The following TOP1 variants were observed in gnomAD, a reference collection of about 807,000 sequenced individuals.
The protein encoded by TOP1 is DNA topoisomerase I.
A neutral mutation model predicts 111.1 loss-of-function variants in TOP1; 10 were observed. That is an observed-to-expected ratio of 0.09 (90% confidence interval 0.06 to 0.15). The LOEUF is 0.15. Ranked by LOEUF, TOP1 falls within the 10% of genes least tolerant of loss-of-function variation. The pLI, the probability that TOP1 is intolerant of heterozygous loss-of-function variation, is 1.00. For missense variants in TOP1, 474 were observed against 926.7 expected, an observed-to-expected ratio of 0.51 and a Z score of 6.34; for synonymous variants, 271 against 302.9, an observed-to-expected ratio of 0.89 and a Z score of 1.10.
rs1444828644 is a variant in TOP1 at position 41,029,214 on chromosome 20, C to G, written c.33+114C>G. On this transcript the variant is annotated intron_variant, in intron 1 of 20. Transcript: ENST00000361337. This position sits in a 1 kb window ranked among gnomAD's most constrained non-coding sequence, Gnocchi z 6.1. ...GGCAGCTTTGACAGGCCGGAGCCCC[C>G]GGTGAGGGGCCGCCTGCCGGAGTAG... The G allele has an allele frequency of 2.3e-6, 2 of 883,272 alleles. No individual in the cohort carries two copies. The highest frequency in any genetic ancestry group is 3.1e-6 in the Non-Finnish European group (2 of 636,972). 54.7% of individuals were successfully genotyped at this position (883,272 alleles called of 1,614,324 possible).
chr20:41,057,461 C>T (rs2033488707), intron 2 of TOP1, among the ~76,000 whole-genome samples: 1 of 151,870 alleles, frequency 6.6e-6, no homozygotes, highest in Non-Finnish European at 1.5e-5. Context: ...TTATCCTTTA[C>T]TTAATTTCCT....
At chr20:41,087,303 T>C (rs1254235498) in intron 8 of TOP1, among the ~76,000 whole-genome samples, 1 of 152,254 alleles carries the variant, frequency 6.6e-6, no homozygotes, top group Non-Finnish European at 1.5e-5. Context: ...GATGTCCTGA[T>C]TTTTAACTGT....
intron 13 of TOP1, among the ~76,000 whole-genome samples, chr20:41,103,710 C>T (rs1229546094): frequency 6.6e-6 from 1 of 152,140 alleles, no homozygotes; most frequent in Admixed American, 6.5e-5. Context: ...ATAGCTTCCT[C>T]TCCTGCCTCT....
intron 2 of TOP1, among the ~76,000 whole-genome samples, chr20:41,049,398 C>T (rs931387633): frequency 1.3e-5 from 2 of 152,128 alleles, no homozygotes; most frequent in Non-Finnish European, 2.9e-5. Context: ...TGGTATTTCC[C>T]CAAGTTTTGA....
At chr20:41,085,682 G>T (rs909228640) in intron 8 of TOP1, among the ~76,000 whole-genome samples, 1 of 152,004 alleles carries the variant, frequency 6.6e-6, no homozygotes, top group Non-Finnish European at 1.5e-5. Flanking sequence ...CCAGCTTTGA[G>T]GTAATCACTG....
At chr20:41,045,251 A>C (rs2033319283) in intron 2 of TOP1, among the ~76,000 whole-genome samples, 1 of 152,218 alleles carries the variant, frequency 6.6e-6, no homozygotes, top group African/African-American at 2.4e-5. Context: ...ATTGTGGTTT[A>C]GATTCTGCTT....
Position 41,118,336 on chromosome 20 carries a change from G to T in TOP1, c.1950+40G>T, listed in dbSNP as rs777492014. ...ATGAAGGGAACTGTGTCTGCTGTGG[G>T]CAGATTATCTGCGAATGAGAGGATT... On this transcript the variant is annotated intron_variant, in intron 18 of 20. Transcript: ENST00000361337. The surrounding 1 kb of genome is among the most constrained non-coding windows in gnomAD (Gnocchi z 4.6). 6 of 1,607,704 alleles carry T rather than the reference G, an allele frequency of 3.7e-6. No homozygotes were observed. The highest frequency in any genetic ancestry group is 5.1e-6 in the Non-Finnish European group (6 of 1,175,388).
Position 41,083,865 on chromosome 20 carries a change from G to C in TOP1, c.508-597G>C, listed in dbSNP as rs147894588. ...TTTGATGCCCGTTTATTGTGTCACT[G>C]TGATCAGCTCATTTACATTCAGAGT... On this transcript the variant is annotated intron_variant, in intron 7 of 20. Transcript: ENST00000361337. This position sits in a 1 kb window ranked among gnomAD's most constrained non-coding sequence, Gnocchi z 7.2. Among the ~76,000 whole-genome samples, 375 of 152,224 alleles carry C rather than the reference G, an allele frequency of 2.5e-3. 1 individual carries two copies. The highest frequency in any genetic ancestry group is 8.8e-3 in the African/African-American group (364 of 41,526).
intron 18 of TOP1, among the ~76,000 whole-genome samples, chr20:41,119,994 C>T (rs560144609): frequency 3.9e-4 from 60 of 152,344 alleles, no homozygotes; most frequent in Middle Eastern, 3.4e-3. Context: ...GCTCTGGAAC[C>T]GGGTTTGGGC....
chr20:41,033,820 T>G (rs2033151728), intron 2 of TOP1, among the ~76,000 whole-genome samples: 1 of 152,248 alleles, frequency 6.6e-6, no homozygotes, highest in South Asian at 2.1e-4. Flanking sequence ...CAAAGTCGTT[T>G]CCTCAGAAGT....
At chr20:41,088,697 G>A (rs543892406) in intron 8 of TOP1, among the ~76,000 whole-genome samples, 1 of 152,004 alleles carries the variant, frequency 6.6e-6, no homozygotes, top group Non-Finnish European at 1.5e-5. Context: ...TAGACTGTAG[G>A]ATTGGGTGGT....
rs1268281704 is a variant in TOP1, at chr20:41,071,374, C to T, written c.156-4797C>T. On this transcript the variant is annotated intron_variant, in intron 3 of 20. Coordinates refer to ENST00000361337, the MANE Select transcript of TOP1 (RefSeq NM_003286.4). This position sits in a 1 kb window ranked among gnomAD's most constrained non-coding sequence, Gnocchi z 4.3. ...AATTTTTTTTTTTTTGAGATGGAGC[C>T]TCAGTCTATCGCCAGGCTGGAGTGC... is the stretch of plus-strand genomic sequence containing the variant. Among the ~76,000 whole-genome samples, 1 of 151,572 alleles carries T rather than the reference C, an allele frequency of 6.6e-6. No homozygotes were observed. The highest frequency in any genetic ancestry group is 2.4e-5 in the African/African-American group (1 of 41,222).
intron 2 of TOP1, among the ~76,000 whole-genome samples, chr20:41,041,389 G>A (rs1004330841): frequency 6.2e-5 from 9 of 145,046 alleles, no homozygotes; most frequent in African/African-American, 2.4e-4. Context: ...GGTTGAGGCT[G>A]CAGGGAGCCA....
intron 2 of TOP1, among the ~76,000 whole-genome samples, chr20:41,042,873 T>G (rs1338324145): frequency 6.6e-6 from 1 of 152,170 alleles, no homozygotes; most frequent in African/African-American, 2.4e-5. Flanking sequence ...AAGAAAATTG[T>G]AAGGAAGAGA....
chr20:41,052,275 C>A (rs564957087), intron 2 of TOP1, among the ~76,000 whole-genome samples: 18 of 152,156 alleles, frequency 1.2e-4, no homozygotes, highest in Non-Finnish European at 2.4e-4. Flanking sequence ...CTAAAGGGGA[C>A]CTCTGTGCTG....
In TOP1 at chr20:41,097,856, G is replaced by A. The variant is rs562415364; in HGVS notation, c.853-359G>A. ...TTCCTGAACTAGCTCAGAAAAAGCA[G>A]ACTTAATAAATGAATAGAATAGGGG... is the stretch of plus-strand genomic sequence containing the variant. On this transcript the variant is annotated intron_variant, in intron 10 of 20. Transcript: ENST00000361337. The surrounding 1 kb of genome is among the most constrained non-coding windows in gnomAD (Gnocchi z 4.2). 1.3e-5 allele frequency among the ~76,000 whole-genome samples: 2 copies of A among 152,274 alleles called. No individual in the cohort carries two copies. The highest frequency in any genetic ancestry group is 4.8e-5 in the African/African-American group (2 of 41,542).
chr20:41,084,616 C>A (rs1273613868), intron 8 of TOP1, 48 bp downstream of exon 8: 1 of 1,068,304 alleles, frequency 9.4e-7, no homozygotes, highest in Non-Finnish European at 1.3e-6. Flanking sequence ...TATTGCATAT[C>A]CTTACGAAGC....
At chr20:41,037,260 A>G (rs1194201974) in intron 2 of TOP1, among the ~76,000 whole-genome samples, 6 of 152,234 alleles carry the variant, frequency 3.9e-5, no homozygotes, top group Non-Finnish European at 8.8e-5. Flanking sequence ...ATTTAATAGA[A>G]TTATGGATTT....
intron 8 of TOP1, among the ~76,000 whole-genome samples, chr20:41,091,908 C>G (rs996899776): frequency 7.9e-5 from 12 of 152,070 alleles, no homozygotes; most frequent in African/African-American, 2.9e-4. Context: ...AATACATTTT[C>G]AAAAAGTTGT....
Sources: gnomAD v4.1 joint callset for allele counts (sites outside exome capture counted in the v4.1 genomes callset) on GRCh38, gnomAD v4.1.1 for gene constraint, Gnocchi (gnomAD v3.1) non-coding constraint, MANE v1.5 for transcripts, NCBI Gene and HGNC (gene_info 2026-07-23, HGNC 2026-07-21) for gene names.